The following CRPPA variants were observed in gnomAD, a reference collection of about 807,000 sequenced individuals.
CRPPA encodes the protein D-ribitol-5-phosphate cytidylyltransferase.
Under a neutral mutation model 52.0 loss-of-function variants are expected in CRPPA, and 43 were observed. The ratio of observed to expected loss-of-function variants is 0.83; its 90% confidence interval spans 0.65 to 1.07. The LOEUF (loss-of-function observed/expected upper bound fraction) is 1.07. Among genes scored for constraint, CRPPA ranks in the 50% least tolerant of loss-of-function variants. The pLI is 0.00. For missense variants in CRPPA, 629 were observed against 551.7 expected (o/e 1.14, Z -1.40); for synonymous variants, 250 against 203.5 (o/e 1.23, Z -1.94).
chr7:16,233,726 C>T (rs748252032), intron 8 of CRPPA, among the ~76,000 whole-genome samples: 3 of 152,086 alleles, frequency 2.0e-5, no homozygotes, highest in East Asian at 1.9e-4. Flanking sequence ...CGGGTACAAT[C>T]GTAATGCACA....
intron 9 of CRPPA, among the ~76,000 whole-genome samples, chr7:16,122,452 T>C (rs149491233): frequency 5.0e-4 from 76 of 152,170 alleles, no homozygotes; most frequent in African/African-American, 1.7e-3. Flanking sequence ...GAACATGTTA[T>C]AAGACAATTA....
intron 8 of CRPPA, among the ~76,000 whole-genome samples, chr7:16,232,245 A>C (rs1423688457): frequency 6.6e-6 from 1 of 152,202 alleles, no homozygotes; most frequent in African/African-American, 2.4e-5. Context: ...AAATTTCCCT[A>C]CCAAAACTCA....
chr7:16,272,474 C>G (rs1583484061), intron 6 of CRPPA, among the ~76,000 whole-genome samples: 2 of 152,218 alleles, frequency 1.3e-5, no homozygotes, highest in East Asian at 3.8e-4. Flanking sequence ...TCCACACCCA[C>G]ACTGATCTGC....
At chr7:16,187,171 AC>A (rs1781522348) in intron 9 of CRPPA, among the ~76,000 whole-genome samples, 1 of 152,090 alleles carries the variant, frequency 6.6e-6, no homozygotes, top group Admixed American at 6.5e-5. Flanking sequence ...CTCAAGTATT[AC>A]CCCCATGATA....
At chr7:16,403,369 G>C in intron 2 of CRPPA, among the ~76,000 whole-genome samples, 1 of 152,080 alleles carries the variant, frequency 6.6e-6, no homozygotes, top group East Asian at 1.9e-4. Flanking sequence ...TGAGTCTCTT[G>C]AGGCATTCTC....
At chr7:16,217,702 T>C (rs1376032098) in intron 8 of CRPPA, among the ~76,000 whole-genome samples, 1 of 137,628 alleles carries the variant, frequency 7.3e-6, no homozygotes. Context: ...CAATGGAAGA[T>C]GAAATGAATG....
rs35537101 is a variant in CRPPA, at chr7:16,239,137, C to CAAAAAAAA, written c.1119+19245_1119+19252dup. Reference sequence around the variant, plus strand: ...TGAGCCACAGAGCAAGACTCTGTCTCAAAAAAAAAAAAAAAAAAAAGCCAT... The same window carrying CAAAAAAAA: ...TGAGCCACAGAGCAAGACTCTGTCTCAAAAAAAAAAAAAAAAAAAAAAAAAAAAGCCAT... On this transcript the variant is annotated intron_variant, in intron 8 of 9. Transcript: ENST00000407010. 7.9e-4 allele frequency among the ~76,000 whole-genome samples: 70 copies of CAAAAAAAA among 88,502 alleles called. 5 individuals are homozygous for CAAAAAAAA. Among genetic ancestry groups the CAAAAAAAA allele is most frequent in the African/African-American group, 1.4e-3 (34 of 24,620 alleles). 58.1% of individuals were successfully genotyped at this position (88,502 alleles called of 152,430 possible).
At chr7:16,225,694 G>C (rs1175669470) in intron 8 of CRPPA, among the ~76,000 whole-genome samples, 1 of 151,478 alleles carries the variant, frequency 6.6e-6, no homozygotes, top group African/African-American at 2.4e-5. Flanking sequence ...TATTATTAAG[G>C]TTCTCTGCAG....
At chr7:16,178,255 A>G (rs1168342375) in intron 9 of CRPPA, among the ~76,000 whole-genome samples, 1 of 152,090 alleles carries the variant, frequency 6.6e-6, no homozygotes, top group Non-Finnish European at 1.5e-5. Flanking sequence ...GATGGAAATG[A>G]CATACACAAA....
chr7:16,222,692 G>T (rs1260645746), intron 8 of CRPPA, among the ~76,000 whole-genome samples: 1 of 152,046 alleles, frequency 6.6e-6, no homozygotes, highest in African/African-American at 2.4e-5. Flanking sequence ...ATCAATAATT[G>T]TCGTCTCTAA....
At chr7:16,411,450 T>C (rs2128319325) in intron 1 of CRPPA, among the ~76,000 whole-genome samples, 1 of 152,214 alleles carries the variant, frequency 6.6e-6, no homozygotes, top group South Asian at 2.1e-4. Flanking sequence ...CCTGCTTTTA[T>C]AGTCAAAAGC....
At chr7:16,285,860 A>G (rs1198703520) in intron 5 of CRPPA, among the ~76,000 whole-genome samples, 3 of 150,418 alleles carry the variant, frequency 2.0e-5, no homozygotes, top group Non-Finnish European at 4.4e-5. Context: ...TTTCCACTAA[A>G]CATACAAAAA....
intron 9 of CRPPA, among the ~76,000 whole-genome samples, chr7:16,141,615 T>C (rs887602998): frequency 6.6e-6 from 1 of 152,220 alleles, no homozygotes; most frequent in Non-Finnish European, 1.5e-5. Flanking sequence ...CTTCTCAAGC[T>C]AGTAATCATC....
intron 9 of CRPPA, among the ~76,000 whole-genome samples, chr7:16,098,152 T>G (rs992341289): frequency 5.9e-5 from 9 of 152,212 alleles, no homozygotes; most frequent in Admixed American, 3.9e-4. Flanking sequence ...GTGGATTTGG[T>G]GGAATGCCAT....
intron 9 of CRPPA, among the ~76,000 whole-genome samples, chr7:16,113,937 C>A (rs1297531203): frequency 6.6e-6 from 1 of 151,706 alleles, no homozygotes; most frequent in South Asian, 2.1e-4. Context: ...ACACAGTAGT[C>A]TCTAGAAAAT....
intron 3 of CRPPA, among the ~76,000 whole-genome samples, chr7:16,336,537 T>C (rs1403408186): frequency 8.6e-6 from 1 of 115,698 alleles, no homozygotes; most frequent in African/African-American, 3.3e-5. Context: ...AAAAACTTCA[T>C]AAAACCACAA....
chr7:16,305,196 G>T (rs1206917367), intron 4 of CRPPA, among the ~76,000 whole-genome samples: 2 of 151,948 alleles, frequency 1.3e-5, no homozygotes, highest in Non-Finnish European at 2.9e-5. Flanking sequence ...ACCAAAAAAA[G>T]AAGTCAAAGA....
chr7:16,218,086 A>G (rs947910662), intron 8 of CRPPA, among the ~76,000 whole-genome samples: 7 of 152,284 alleles, frequency 4.6e-5, no homozygotes, highest in South Asian at 4.2e-4. Flanking sequence ...GACTAACAGC[A>G]GATCTCTCCG....
intron 2 of CRPPA, among the ~76,000 whole-genome samples, chr7:16,383,726 C>T (rs2128313536): frequency 6.6e-6 from 1 of 152,366 alleles, no homozygotes; most frequent in Non-Finnish European, 1.5e-5. Flanking sequence ...AGCCTCGCTG[C>T]CACCTTGCAG....
Sources: gnomAD v4.1 joint callset for allele counts (sites outside exome capture counted in the v4.1 genomes callset) on GRCh38, gnomAD v4.1.1 for gene constraint, MANE v1.5 for transcripts, NCBI Gene and HGNC (gene_info 2026-07-23, HGNC 2026-07-21) for gene names.